KLC1: variants seen among roughly 807,000 people sequenced by gnomAD.
KLC1 encodes kinesin light chain 1.
KLC1 carries 30 observed loss-of-function variants against 84.2 expected under a neutral mutation model. The observed-to-expected ratio is 0.36, with a 90% CI of 0.27 to 0.48. KLC1 has a LOEUF of 0.48. KLC1 is among the 20% of genes least tolerant of loss of function. The pLI is 0.99. For synonymous variants in KLC1, 289 were observed against 293.3 expected (o/e 0.99, Z 0.15); for missense variants, 499 against 805.4 (o/e 0.62, Z 4.60).
intron 1 of KLC1, among the ~76,000 whole-genome samples, chr14:103,636,898 T>TG (rs935047034): frequency 7.3e-5 from 11 of 151,478 alleles, no homozygotes; most frequent in African/African-American, 2.7e-4. Context: ...AATTTTTTTT[T>TG]TTGTTGTATT....
chr14:103,685,796 T>A (rs2081738168), intron 13 of KLC1: 1 of 1,221,960 alleles, frequency 8.2e-7, no homozygotes, highest in Non-Finnish European at 1.0e-6. Context: ...TCGGTGCTGC[T>A]GTCCTTTTTG....
At chr14:103,639,023 T>G (rs1054471703) in intron 1 of KLC1, among the ~76,000 whole-genome samples, 1 of 152,214 alleles carries the variant, frequency 6.6e-6, no homozygotes, top group Admixed American at 6.5e-5. Context: ...TCACTTCATG[T>G]ATCCCAGTTT....
At chr14:103,685,269 T>C (rs1292151255) in intron 13 of KLC1, 16 of 1,370,350 alleles carry the variant, frequency 1.2e-5, no homozygotes, top group Non-Finnish European at 1.4e-5. Flanking sequence ...ACCTGTAGCC[T>C]TTATTTTGGT....
In KLC1 at chr14:103,653,000, A is replaced by G. The variant is rs145055436; in HGVS notation, c.-1-1564A>G. On this transcript the variant is annotated intron_variant, in intron 1 of 16. Transcript: ENST00000334553. ...GCTTCACCCCAAAATCCTGGAATAT[A>G]TAGTCTGTATCTGCTGATTCAGCTT... Among the ~76,000 whole-genome samples the G allele has an allele frequency of 6.5e-4, 99 of 152,358 alleles. 2 individuals carry two copies. The highest frequency in any genetic ancestry group is 2.1e-3 in the African/African-American group (89 of 41,588).
At chr14:103,656,738 T>G (rs528378697) in intron 2 of KLC1, among the ~76,000 whole-genome samples, 4 of 152,204 alleles carry the variant, frequency 2.6e-5, no homozygotes, top group Non-Finnish European at 5.9e-5. Flanking sequence ...GTGTCGCAGA[T>G]AAGAGTTTTA....
chr14:103,691,159 T>C (rs2082087005), intron 14 of KLC1, among the ~76,000 whole-genome samples: 1 of 149,092 alleles, frequency 6.7e-6, no homozygotes, highest in South Asian at 2.2e-4. Flanking sequence ...CCCCCACTTT[T>C]TTTTTTTTTT....
intron 1 of KLC1, among the ~76,000 whole-genome samples, chr14:103,643,731 C>G (rs1650894183): frequency 6.7e-6 from 1 of 150,120 alleles, no homozygotes; most frequent in African/African-American, 2.5e-5. Flanking sequence ...AGTTCCAGAC[C>G]AGCCTGGCCA....
chr14:103,690,452 G>T (rs1160355340), intron 14 of KLC1, among the ~76,000 whole-genome samples: 1 of 152,200 alleles, frequency 6.6e-6, no homozygotes, highest in Non-Finnish European at 1.5e-5. Flanking sequence ...GGGGCTGGCT[G>T]AGTATCTGCC....
intron 1 of KLC1, among the ~76,000 whole-genome samples, chr14:103,653,653 A>T (rs755729817): frequency 6.6e-6 from 1 of 152,210 alleles, no homozygotes; most frequent in African/African-American, 2.4e-5. Flanking sequence ...CTTATATTCA[A>T]GGTGACATTA....
Position 103,700,801 on chromosome 14 carries a change from G to T in KLC1, c.*1+74G>T, listed in dbSNP as rs1400747563. 4.1e-6 allele frequency: 5 copies of T among 1,228,982 alleles called. No homozygotes were observed. In the Admixed American group the frequency reaches 1.2e-4, roughly 30 times the overall value. 76.1% of individuals were successfully genotyped at this position (1,228,982 alleles called of 1,614,324 possible). On this transcript the variant is annotated intron_variant, in intron 16 of 16. Transcript: ENST00000334553. ...AGGGACTTTGCACATGCAGGGACTG[G>T]GGGGAGCTGGGGATGGGCAAGTGGT...
At chr14:103,680,802 CTAGGCTG>C (rs1343844938) in intron 13 of KLC1, among the ~76,000 whole-genome samples, 3 of 152,190 alleles carry the variant, frequency 2.0e-5, no homozygotes, top group African/African-American at 7.2e-5. Context: ...AGTCCTTTAT[CTAGGCTG>C]TAGGAGCCAG....
intron 15 of KLC1, chr14:103,698,500 C>T: frequency 2.2e-6 from 1 of 463,936 alleles, no homozygotes; most frequent in Admixed American, 3.4e-5. Context: ...CTGTAGGACA[C>T]CCCAGGCTCC....
At chr14:103,650,945 TG>T (rs924325793) in intron 1 of KLC1, among the ~76,000 whole-genome samples, 6 of 152,302 alleles carry the variant, frequency 3.9e-5, no homozygotes, top group Admixed American at 3.9e-4. Flanking sequence ...AAACGCATTT[TG>T]TTTCTGCATC....
intron 5 of KLC1, among the ~76,000 whole-genome samples, chr14:103,668,725 C>T (rs1018306326): frequency 5.3e-5 from 8 of 152,008 alleles, no homozygotes; most frequent in Non-Finnish European, 8.8e-5. Flanking sequence ...GTGATCCGCC[C>T]GCCTCAGCCT....
intron 1 of KLC1, among the ~76,000 whole-genome samples, chr14:103,649,343 C>T (rs1400695868): frequency 1.3e-5 from 2 of 151,916 alleles, no homozygotes; most frequent in African/African-American, 4.8e-5. Flanking sequence ...ATAATGTAAA[C>T]AAAATGAGTT....
intron 15 of KLC1, chr14:103,695,875 T>C (rs1463858995): frequency 2.0e-6 from 2 of 985,246 alleles, no homozygotes; most frequent in Non-Finnish European, 2.4e-6. Context: ...GGCAAGGGAA[T>C]CTGAGTACCT....
chr14:103,676,762 C>G (rs1346698598), intron 11 of KLC1, among the ~76,000 whole-genome samples: 3 of 152,196 alleles, frequency 2.0e-5, no homozygotes, highest in African/African-American at 7.2e-5. Flanking sequence ...AAGTACTTAT[C>G]TATGCTAAAA....
Position 103,696,138 on chromosome 14 carries a change from C to T in KLC1, c.1848+3713C>T, listed in dbSNP as rs540109968. 4.0e-5 allele frequency: 39 copies of T among 978,584 alleles called. 1 individual carries two copies. In the South Asian group the frequency reaches 1.4e-3, roughly 35 times the overall value. 60.6% of individuals were successfully genotyped at this position (978,584 alleles called of 1,614,324 possible). ...CCACAGCAGCCGTGTGTGCAGCGCC[C>T]GTCCCCAGCAACCATGGCATGGGAG... On this transcript the variant is annotated intron_variant, in intron 15 of 16. Transcript: ENST00000334553.
intron 13 of KLC1, chr14:103,686,752 A>G (rs145934914): frequency 2.4e-4 from 40 of 166,748 alleles, no homozygotes; most frequent in Admixed American, 2.4e-3. Context: ...AGCTGCTTTA[A>G]TTTTCCTGAG....
Sources: gnomAD v4.1 joint callset for allele counts (sites outside exome capture counted in the v4.1 genomes callset) on GRCh38, gnomAD v4.1.1 for gene constraint, MANE v1.5 for transcripts, NCBI Gene and HGNC (gene_info 2026-07-23, HGNC 2026-07-21) for gene names.